The following ZNF451 variants were observed in gnomAD, a reference collection of about 807,000 sequenced individuals.
ZNF451 encodes zinc finger protein 451.
Under a neutral mutation model 107.1 loss-of-function variants are expected in ZNF451, and 80 were observed. The ratio of observed to expected loss-of-function variants is 0.75; its 90% CI spans 0.62 to 0.90. The LOEUF (loss-of-function observed/expected upper bound fraction) is 0.90. ZNF451 is among the 40% of genes least tolerant of loss of function. The probability of loss-of-function intolerance (pLI) is 0.00; values close to 1 mark genes in which losing one functional copy is unlikely to be tolerated. For synonymous variants in ZNF451, 362 were observed against 406.5 expected (o/e 0.89, Z 1.32); for missense variants, 1,107 against 1,236.2 (o/e 0.90, Z 1.57).
At chr6:57,097,993 A>G (rs1829408495) in intron 2 of ZNF451, among the ~76,000 whole-genome samples, 1 of 147,928 alleles carries the variant, frequency 6.8e-6, no homozygotes, top group African/African-American at 2.5e-5. Flanking sequence ...TATTATTGGG[A>G]TAGTCTTGCT....
At chr6:57,124,305 T>G in intron 3 of ZNF451, 1 of 648,000 alleles carries the variant, frequency 1.5e-6, no homozygotes, top group Non-Finnish European at 2.8e-6. Flanking sequence ...AGTTTTTAAC[T>G]CTCAGGCTCG....
At chr6:57,106,723 C>T in intron 3 of ZNF451, 1 of 984,408 alleles carries the variant, frequency 1.0e-6, no homozygotes, top group Non-Finnish European at 1.2e-6. Flanking sequence ...GTGGCTAGTC[C>T]AATAATTGAT....
chr6:57,144,587 G>A (rs1309525398), intron 9 of ZNF451, among the ~76,000 whole-genome samples: 1 of 152,058 alleles, frequency 6.6e-6, no homozygotes, highest in African/African-American at 2.4e-5. Context: ...TTGGAAAAAT[G>A]TTATCTTTGC....
intron 3 of ZNF451, among the ~76,000 whole-genome samples, chr6:57,111,819 T>C (rs1440834321): frequency 6.6e-6 from 1 of 152,218 alleles, no homozygotes; most frequent in Non-Finnish European, 1.5e-5. Context: ...TATAGGAAAA[T>C]CTTTTTTAAC....
chr6:57,138,741 A>ATATATATG (rs1365084616), intron 7 of ZNF451, among the ~76,000 whole-genome samples: 26 of 46,596 alleles, frequency 5.6e-4, no homozygotes, highest in Non-Finnish European at 6.5e-4. Flanking sequence ...ATATATATAT[A>ATATATATG]TGTGTGTGTG....
At chr6:57,112,323 A>G (rs981978340) in intron 3 of ZNF451, among the ~76,000 whole-genome samples, 1 of 152,126 alleles carries the variant, frequency 6.6e-6, no homozygotes. Flanking sequence ...GTTCAAACCA[A>G]ATGCGCTAGT....
At chr6:57,119,041 A>G (rs761793490) in intron 3 of ZNF451, among the ~76,000 whole-genome samples, 2 of 152,116 alleles carry the variant, frequency 1.3e-5, no homozygotes, top group African/African-American at 4.8e-5. Context: ...TCATACTGAA[A>G]ATACCAATTT....
intron 3 of ZNF451, chr6:57,109,581 C>T (rs1299440794): frequency 1.8e-5 from 18 of 984,908 alleles, no homozygotes; most frequent in Middle Eastern, 5.2e-4. Context: ...TAGATACATA[C>T]ATTTTAAAAT....
intron 9 of ZNF451, among the ~76,000 whole-genome samples, chr6:57,145,349 A>G (rs1278383464): frequency 6.6e-6 from 1 of 152,146 alleles, no homozygotes; most frequent in Non-Finnish European, 1.5e-5. Flanking sequence ...GTTTTGTTAC[A>G]TGGGTATATT....
intron 8 of ZNF451, 141 bp downstream of exon 8, chr6:57,141,596 C>A: frequency 1.2e-6 from 1 of 817,320 alleles, no homozygotes; most frequent in Non-Finnish European, 1.8e-6. Context: ...TCAATTCCTA[C>A]TTAAAAACAA....
intron 14 of ZNF451, among the ~76,000 whole-genome samples, chr6:57,163,998 C>T (rs1182401178): frequency 6.6e-6 from 1 of 152,144 alleles, no homozygotes; most frequent in East Asian, 1.9e-4. Flanking sequence ...TCTGTAAATG[C>T]CTGAGAAATA....
At position 57,109,765 on chromosome 6, in the gene ZNF451, T is replaced by C. The variant is rs1830028737; in HGVS notation, c.186+10624T>C. ...CTAAGAAATGCTCATAATAATAAAA[T>C]AAGAGAATGTAGAATGAGGAGTTAG... On this transcript the variant is annotated intron_variant, in intron 3 of 14. Transcript: ENST00000370706. 4 of 887,800 alleles carry C rather than the reference T, an allele frequency of 4.5e-6. No individual in the cohort carries two copies. The South Asian group carries it at 2.1e-4, about 46-fold the overall frequency. The allele number at this position is 887,800 out of a possible 1,614,324, so 55.0% of individuals were successfully genotyped here.
At chr6:57,143,848 C>T (rs1191326673) in intron 9 of ZNF451, among the ~76,000 whole-genome samples, 2 of 152,160 alleles carry the variant, frequency 1.3e-5, no homozygotes, top group East Asian at 1.9e-4. Flanking sequence ...CATATCCATA[C>T]AAGGGAATAT....
intron 9 of ZNF451, among the ~76,000 whole-genome samples, chr6:57,145,205 T>C (rs1832002988): frequency 6.6e-6 from 1 of 152,196 alleles, no homozygotes; most frequent in African/African-American, 2.4e-5. Flanking sequence ...TTTGAGTTAA[T>C]TTGTGGAATA....
chr6:57,124,893 TAAA>T (rs989642306), intron 4 of ZNF451, 34 bp downstream of exon 4: 1 of 1,313,140 alleles, frequency 7.6e-7, no homozygotes, highest in East Asian at 2.9e-5. Context: ...TTTATATAAT[TAAA>T]AAATTATTTA....
intron 2 of ZNF451, among the ~76,000 whole-genome samples, chr6:57,094,452 G>C (rs944641442): frequency 6.6e-6 from 1 of 152,070 alleles, no homozygotes; most frequent in African/African-American, 2.4e-5. Context: ...GGGACTACAG[G>C]TGCACTCCAC....
chr6:57,134,057 C>G (rs1831313516), intron 6 of ZNF451: 1 of 152,242 alleles, frequency 6.6e-6, no homozygotes, highest in Non-Finnish European at 1.5e-5. Context: ...CCCATAGCCT[C>G]CCTTTCTAAT....
intron 13 of ZNF451, among the ~76,000 whole-genome samples, chr6:57,160,154 A>G (rs989304075): frequency 4.6e-5 from 7 of 152,316 alleles, no homozygotes; most frequent in African/African-American, 1.7e-4. Flanking sequence ...CCATGTACCC[A>G]TACTTAGTTT....
rs1562622476 is a variant in ZNF451 at position 57,148,061 on chromosome 6, A to C, written c.1976A>C (p.His659Pro). ...ETLYRHCQDE[H>P]DNEIKIKYFC... The stretch of plus-strand genomic sequence containing the variant: ...TTGTACCGACATTGCCAAGATGAGC[A>C]TGACAATGAGATAAAGATTAAATAC... Residue 659 changes from histidine to proline, a missense_variant, in exon 10 of 15, where the codon CAT becomes CCT. His to Pro is a moderately conservative substitution (Grantham distance 77, BLOSUM62 -2). Coordinates refer to ENST00000370706, the MANE Select transcript of ZNF451 (RefSeq NM_001031623.3). 2 of 1,614,146 alleles carry C rather than the reference A, an allele frequency of 1.2e-6. No homozygotes were observed. The highest frequency in any genetic ancestry group is 1.7e-6 in the Non-Finnish European group (2 of 1,179,986).
Sources: gnomAD v4.1 joint callset for allele counts (sites outside exome capture counted in the v4.1 genomes callset) on GRCh38, gnomAD v4.1.1 for gene constraint, MANE v1.5 for transcripts, NCBI Gene and HGNC (gene_info 2026-07-23, HGNC 2026-07-21) for gene names.